The following PDLIM4 variants were observed in gnomAD, a reference collection of about 807,000 sequenced individuals.
The protein encoded by PDLIM4 is PDZ and LIM domain 4.
Under a neutral mutation model 31.3 loss-of-function variants are expected in PDLIM4, and 19 were observed. The observed-to-expected ratio is 0.61, with a 90% CI of 0.42 to 0.89. The LOEUF (loss-of-function observed/expected upper bound fraction) is 0.89. Ranked by LOEUF, PDLIM4 falls within the 40% of genes least tolerant of loss-of-function variation. The pLI is 0.00. For missense variants in PDLIM4, 442 were observed against 461.1 expected, an observed-to-expected ratio of 0.96 and a Z score of 0.38; for synonymous variants, 176 against 190.1, an observed-to-expected ratio of 0.93 and a Z score of 0.61.
Position 132,271,849 on chromosome 5 carries a change from C to A in PDLIM4, c.729C>A (p.Gly243=). The part of the protein sequence containing the change: ...RNLKPTASKL[G]APLSGLQGLP... ...TCAAGCCCACGGCCAGCAAGCTGGG[C>A]GCTCCGCTGAGCGGCCTGCAGGGGC... Residue 243 remains glycine, a synonymous_variant, in exon 6 of 7, where the codon GGC becomes GGA. Transcript: ENST00000253754. 6.2e-7 allele frequency: 1 copy of A among 1,612,540 alleles called. No homozygotes were observed. Among genetic ancestry groups the A allele is most frequent in the Non-Finnish European group, 8.5e-7 (1 of 1,179,458 alleles).
chr5:132,269,561 A>AG, intron 3 of PDLIM4, among the ~76,000 whole-genome samples: 1 of 151,566 alleles, frequency 6.6e-6, no homozygotes, highest in Non-Finnish European at 1.5e-5. Context: ...GGGGAAATGG[A>AG]GGGGGGCCCA....
At chr5:132,262,514 C>T (rs1580798281) in intron 1 of PDLIM4, 95 bp from the exon 2 acceptor site, 2 of 1,197,586 alleles carry the variant, frequency 1.7e-6, no homozygotes, top group South Asian at 3.4e-5. Context: ...GCAGGCCACA[C>T]TGGCTAGGTT....
intron 2 of PDLIM4, 21 bp from the exon 3 acceptor site, chr5:132,266,443 C>T: frequency 6.5e-7 from 1 of 1,548,208 alleles, no homozygotes; most frequent in Non-Finnish European, 8.9e-7. Flanking sequence ...ACATATCTGA[C>T]CATCACAATT....
chr5:132,271,281 T>C, intron 4 of PDLIM4, 22 bp from the exon 5 acceptor site: 1 of 1,580,676 alleles, frequency 6.3e-7, no homozygotes, highest in Non-Finnish European at 8.6e-7. Context: ...CCCTTCCTCC[T>C]CTATTTCTTT....
At chr5:132,270,840 AGGGTGG>A (rs1756591176) in intron 3 of PDLIM4, 69 bp from the exon 4 acceptor site, 3 of 1,325,162 alleles carry the variant, frequency 2.3e-6, no homozygotes, top group African/African-American at 2.9e-5. Flanking sequence ...ACAGCACAGC[AGGGTGG>A]GGGTGGGGTG....
At position 132,257,729 on chromosome 5, in the gene PDLIM4, C is replaced by T; in HGVS notation, c.-6C>T. ...GCTCAGGCTCCGGCTGCGGCTCCAG[C>T]CCGCGATGCCCCATTCCGTGACCCT... On this transcript the variant is annotated 5_prime_UTR_variant, in exon 1 of 7. Transcript: ENST00000253754. The surrounding 1 kb of genome is among the most constrained non-coding windows in gnomAD (Gnocchi z 4.3). The T allele has an allele frequency of 6.8e-7, 1 of 1,468,010 alleles. No individual in the cohort carries two copies. Among genetic ancestry groups the T allele is most frequent in the Non-Finnish European group, 9.0e-7 (1 of 1,112,140 alleles). The allele number at this position is 1,468,010 out of a possible 1,614,324, so 90.9% of individuals were successfully genotyped here. A position where few individuals can be genotyped will look rare whatever the true frequency, so the allele number is the denominator to read the frequency against.
chr5:132,259,137 CTG>C (rs70974028), intron 1 of PDLIM4, among the ~76,000 whole-genome samples: 22,589 of 145,760 alleles, frequency 0.15, 2,317 homozygotes, highest in East Asian at 0.43. Flanking sequence ...AGGATTCCTG[CTG>C]TGTGTGTGTG....
intron 4 of PDLIM4, 31 bp from the exon 5 acceptor site, chr5:132,271,272 C>T: frequency 6.4e-6 from 10 of 1,570,422 alleles, no homozygotes; most frequent in Non-Finnish European, 8.6e-6. Flanking sequence ...GAACTGCATC[C>T]CTTCCTCCTC....
At chr5:132,271,965 C>A in intron 6 of PDLIM4, 57 bp downstream of exon 6, 1 of 1,585,898 alleles carries the variant, frequency 6.3e-7, no homozygotes, top group Non-Finnish European at 8.7e-7. Flanking sequence ...GCCCTGGATG[C>A]GGGCGCAGTC....
chr5:132,271,335 G>C lies in PDLIM4; in HGVS notation c.539G>C (p.Arg180Pro), dbSNP rs771542298. The C allele has an allele frequency of 6.3e-7, 1 of 1,598,748 alleles. No individual in the cohort carries two copies. Among genetic ancestry groups the C allele is most frequent in the Admixed American group, 1.7e-5 (1 of 59,848 alleles). The change falls in exon 5 of 7, where the codon CGG becomes CCG. Residue 180 changes from arginine (R) to proline (P), a missense_variant. Coordinates refer to ENST00000253754, the MANE Select transcript of PDLIM4 (RefSeq NM_003687.4). ...ADPARGLPRS[R>P]DCRVDLGSEV... ...CCAGCCAGAGGCCTCCCGCGGAGCC[G>C]GGACTGCAGAGTCGACCTGGGCTCC...
chr5:132,272,040 G>A lies in PDLIM4; in HGVS notation c.804G>A (p.Lys268=). 6.2e-7 allele frequency: 1 copy of A among 1,614,234 alleles called. No homozygotes were observed. Among genetic ancestry groups the A allele is most frequent in the Admixed American group, 1.7e-5 (1 of 60,036 alleles). Residue 268 remains lysine, a synonymous_variant, in exon 7 of 7, where the codon AAG becomes AAA. Transcript: ENST00000253754. The part of the protein sequence containing the change: ...CGHGIVGTIV[K]ARDKLYHPEC... ...CCCCCATCAGGGGCACCATCGTCAA[G>A]GCACGGGACAAGCTCTACCATCCCG...
intron 1 of PDLIM4, among the ~76,000 whole-genome samples, chr5:132,259,717 C>G (rs973983379): frequency 6.6e-6 from 1 of 152,174 alleles, no homozygotes; most frequent in Non-Finnish European, 1.5e-5. Flanking sequence ...TACGCGGGAC[C>G]TGGTAGGGAG....
chr5:132,272,326 C>A lies in PDLIM4; in HGVS notation c.*97C>A. On this transcript the variant is annotated 3_prime_UTR_variant, in exon 7 of 7. Coordinates refer to ENST00000253754, the MANE Select transcript of PDLIM4 (RefSeq NM_003687.4). ...CCTCTAATAAAGCTCCTCTGCTCCACCTTGAACCTGTCACCTGGCCTGCCA... is the reference window on the plus strand; with the variant it reads ...CCTCTAATAAAGCTCCTCTGCTCCAACTTGAACCTGTCACCTGGCCTGCCA... 2.9e-6 allele frequency: 3 copies of A among 1,029,632 alleles called. No individual in the cohort carries two copies. The highest frequency in any genetic ancestry group is 2.9e-6 in the Non-Finnish European group (2 of 682,360). 63.8% of individuals were successfully genotyped at this position (1,029,632 alleles called of 1,614,324 possible).
intron 5 of PDLIM4, 121 bp from the exon 6 acceptor site, chr5:132,271,670 C>A (rs1483343418): frequency 5.2e-6 from 5 of 966,238 alleles, no homozygotes; most frequent in East Asian, 2.4e-5. Context: ...ACCCCACGCC[C>A]GCCAAACCCG....
In PDLIM4 at chr5:132,263,934, G is replaced by A. The variant is rs186142791; in HGVS notation, c.245+1174G>A. 3.2e-4 allele frequency among the ~76,000 whole-genome samples: 48 copies of A among 152,300 alleles called. No homozygotes were observed. In the East Asian group the frequency reaches 3.3e-3, roughly 10 times the overall value. On this transcript the variant is annotated intron_variant, in intron 2 of 6. Coordinates refer to ENST00000253754, the MANE Select transcript of PDLIM4 (RefSeq NM_003687.4). ...GTGCCCAGATGACCTCTATGAGCCC[G>A]GGGTTTCCTTTCCCATTAACGGATC...
intron 3 of PDLIM4, among the ~76,000 whole-genome samples, chr5:132,269,920 C>T (rs1224032362): frequency 6.6e-6 from 1 of 152,220 alleles, no homozygotes; most frequent in Non-Finnish European, 1.5e-5. Context: ...TCTCTGTAAC[C>T]ATGCGCATGT....
intron 3 of PDLIM4, 56 bp from the exon 4 acceptor site, chr5:132,270,859 C>T: frequency 2.0e-6 from 3 of 1,527,340 alleles, no homozygotes; most frequent in Non-Finnish European, 1.8e-6. Flanking sequence ...GTGGGGTGAA[C>T]AAGGAATGGC....
At chr5:132,264,743 C>T (rs367838160) in intron 2 of PDLIM4, among the ~76,000 whole-genome samples, 5 of 151,962 alleles carry the variant, frequency 3.3e-5, no homozygotes, top group Non-Finnish European at 7.4e-5. Context: ...TGGCCCCCAA[C>T]GACACTCCTC....
intron 2 of PDLIM4, among the ~76,000 whole-genome samples, chr5:132,264,088 C>G (rs1463995782): frequency 6.6e-6 from 1 of 152,212 alleles, no homozygotes; most frequent in Non-Finnish European, 1.5e-5. Context: ...CACCTCCAGC[C>G]TTGACTCTGT....
Sources: allele counts gnomAD v4.1 joint callset (sites outside exome capture counted in the v4.1 genomes callset), GRCh38; gene constraint gnomAD v4.1.1; non-coding constraint Gnocchi (gnomAD v3.1); transcripts MANE v1.5; gene names NCBI Gene and HGNC (gene_info 2026-07-23, HGNC 2026-07-21).